The following SGK3 variants were observed in gnomAD, a reference collection of about 807,000 sequenced individuals.
SGK3 encodes serine/threonine-protein kinase Sgk3.
Under a neutral mutation model 68.5 loss-of-function variants are expected in SGK3, and 47 were observed. That is an observed-to-expected ratio of 0.69 (90% CI 0.54 to 0.87). SGK3 has a LOEUF of 0.87. SGK3 is among the 40% of genes least tolerant of loss of function. SGK3 has a pLI of 0.00. For missense variants in SGK3, 479 were observed against 575.5 expected, an observed-to-expected ratio of 0.83 and a Z score of 1.72; for synonymous variants, 181 against 189.1, an observed-to-expected ratio of 0.96 and a Z score of 0.35.
At chr8:66,839,975 C>A (rs748277424) in intron 10 of SGK3, 28 bp from the exon 11 acceptor site, 1 of 1,582,518 alleles carries the variant, frequency 6.3e-7, no homozygotes, top group Admixed American at 1.7e-5. Flanking sequence ...CATTCTCTCT[C>A]CCCCCACCCC....
At chr8:66,776,961 A>G (rs780119925) in intron 1 of SGK3, among the ~76,000 whole-genome samples, 4 of 152,172 alleles carry the variant, frequency 2.6e-5, no homozygotes, top group Non-Finnish European at 5.9e-5. Context: ...AAATTGACCT[A>G]CTAGGCAGTT....
chr8:66,760,330 CTTTTTTTT>C (rs201559163), intron 1 of SGK3, among the ~76,000 whole-genome samples: 2 of 115,648 alleles, frequency 1.7e-5, no homozygotes, highest in African/African-American at 3.2e-5. Flanking sequence ...TTTCTTTTTT[CTTTTTTTT>C]TTTTTTTTTT....
intron 4 of SGK3, among the ~76,000 whole-genome samples, chr8:66,813,391 A>C (rs1478732617): frequency 6.6e-6 from 1 of 152,152 alleles, no homozygotes; most frequent in East Asian, 1.9e-4. Flanking sequence ...GGCGATATTC[A>C]GTTAACCAAT....
chr8:66,719,458 T>G (rs1232745818), intron 1 of SGK3, among the ~76,000 whole-genome samples: 3 of 151,982 alleles, frequency 2.0e-5, no homozygotes, highest in Non-Finnish European at 4.4e-5. Context: ...TCCTGAGTAC[T>G]GGTATGTGCC....
At chr8:66,743,483 AC>A (rs1441200850) in intron 1 of SGK3, among the ~76,000 whole-genome samples, 1 of 152,246 alleles carries the variant, frequency 6.6e-6, no homozygotes, top group Non-Finnish European at 1.5e-5. Context: ...TCATATAGTA[AC>A]TAGGGTGCTC....
At chr8:66,745,693 G>GTAAT (rs1294106148) in intron 1 of SGK3, among the ~76,000 whole-genome samples, 2 of 152,204 alleles carry the variant, frequency 1.3e-5, no homozygotes, top group African/African-American at 4.8e-5. Context: ...CTGAGACTGG[G>GTAAT]TAATTTATAA....
intron 1 of SGK3, among the ~76,000 whole-genome samples, chr8:66,740,502 G>GT (rs747288344): frequency 1.3e-5 from 2 of 152,152 alleles, no homozygotes; most frequent in Non-Finnish European, 2.9e-5. Context: ...ATGGAACATA[G>GT]TAACACCTCA....
intron 1 of SGK3, among the ~76,000 whole-genome samples, chr8:66,726,599 A>G (rs1204976759): frequency 1.3e-5 from 2 of 152,120 alleles, no homozygotes; most frequent in Non-Finnish European, 2.9e-5. Flanking sequence ...GCTGATTAAA[A>G]TGTTTTAAAT....
chr8:66,767,794 G>A, intron 1 of SGK3: 2 of 1,572,710 alleles, frequency 1.3e-6, no homozygotes, highest in South Asian at 2.2e-5. Context: ...TGACTTTTCT[G>A]TAGCTCTGTT....
Position 66,736,431 on chromosome 8 carries a change from G to A in SGK3, c.-122+23598G>A, listed in dbSNP as rs1805316610. On this transcript the variant is annotated intron_variant, in intron 1 of 16. Coordinates refer to ENST00000521198, the MANE Select transcript of SGK3 (RefSeq NM_001033578.3). ...ACTGTTTTATTTTTGTAACAAAGTT[G>A]GTGCTCAATAAATGTCAGTAATTAA... Among the ~76,000 whole-genome samples, 3 of 151,870 alleles carry A rather than the reference G, an allele frequency of 2.0e-5. No individual in the cohort carries two copies. The South Asian group carries it at 6.2e-4, about 32-fold the overall frequency.
chr8:66,841,831 T>C (rs551842754), intron 13 of SGK3, among the ~76,000 whole-genome samples: 1 of 152,362 alleles, frequency 6.6e-6, no homozygotes, highest in African/African-American at 2.4e-5. Flanking sequence ...ACAATAGTAA[T>C]GATCCTTACA....
intron 1 of SGK3, among the ~76,000 whole-genome samples, chr8:66,767,131 C>T (rs534606775): frequency 6.6e-6 from 1 of 152,362 alleles, no homozygotes; most frequent in Admixed American, 6.5e-5. Context: ...AGGCATCAGC[C>T]ACCACACCCG....
chr8:66,729,541 G>A (rs1805082784), intron 1 of SGK3, among the ~76,000 whole-genome samples: 1 of 151,886 alleles, frequency 6.6e-6, no homozygotes, highest in Non-Finnish European at 1.5e-5. Context: ...TTGATGTTTG[G>A]GTTGTTTTCA....
chr8:66,832,483 C>T lies in SGK3; in HGVS notation c.525+1172C>T, dbSNP rs566323842. ...TATTCACTCAGCAAATATATATTAT[C>T]CACCTGCTACATGCTGAGTATTGTG... is the stretch of plus-strand genomic sequence containing the variant. On this transcript the variant is annotated intron_variant, in intron 8 of 16. Coordinates refer to ENST00000521198, the MANE Select transcript of SGK3 (RefSeq NM_001033578.3). Among the ~76,000 whole-genome samples the T allele has an allele frequency of 9.5e-4, 144 of 152,264 alleles. 1 individual carries two copies. The Middle Eastern group carries it at 0.014, about 14-fold the overall frequency.
At chr8:66,761,790 G>A (rs1453691280) in intron 1 of SGK3, among the ~76,000 whole-genome samples, 8 of 151,788 alleles carry the variant, frequency 5.3e-5, no homozygotes, top group Non-Finnish European at 5.9e-5. Context: ...AATAATAAAT[G>A]TTTTAAAAGA....
chr8:66,839,975 C>T (rs748277424), intron 10 of SGK3, 28 bp from the exon 11 acceptor site: 21 of 1,582,404 alleles, frequency 1.3e-5, no homozygotes, highest in Non-Finnish European at 1.7e-5. Flanking sequence ...CATTCTCTCT[C>T]CCCCCACCCC....
chr8:66,811,201 A>G (rs1808369487), intron 4 of SGK3, among the ~76,000 whole-genome samples: 1 of 152,108 alleles, frequency 6.6e-6, no homozygotes, highest in Non-Finnish European at 1.5e-5. Context: ...ATTTTTTTGT[A>G]GAGACATGCT....
intron 5 of SGK3, among the ~76,000 whole-genome samples, chr8:66,815,071 T>G (rs1218262295): frequency 6.6e-6 from 1 of 152,330 alleles, no homozygotes; most frequent in East Asian, 1.9e-4. Flanking sequence ...AACCACAACA[T>G]TGAAGAACTG....
chr8:66,719,583 T>A (rs1311812391), intron 1 of SGK3, among the ~76,000 whole-genome samples: 1 of 152,182 alleles, frequency 6.6e-6, no homozygotes, highest in Non-Finnish European at 1.5e-5. Context: ...CCTCCCAAAG[T>A]GCTGGAATTG....
Sources: allele counts gnomAD v4.1 joint callset (sites outside exome capture counted in the v4.1 genomes callset), GRCh38; gene constraint gnomAD v4.1.1; transcripts MANE v1.5; gene names NCBI Gene and HGNC (gene_info 2026-07-23, HGNC 2026-07-21).